The following YWHAQ variants were observed in gnomAD, a reference collection of about 807,000 sequenced individuals.
YWHAQ encodes the protein tyrosine 3-monooxygenase/tryptophan 5-monooxygenase activation protein theta, also known as 14-3-3 protein theta.
In YWHAQ, 6 loss-of-function variants were observed where a neutral mutation model predicts 28.3. The ratio of observed to expected loss-of-function variants is 0.21; its 90% CI spans 0.12 to 0.42. The LOEUF (loss-of-function observed/expected upper bound fraction) is 0.42. YWHAQ is among the 10% of genes least tolerant of loss of function. YWHAQ has a pLI of 1.00. For missense variants in YWHAQ, 201 were observed against 305.6 expected, an observed-to-expected ratio of 0.66 and a Z score of 2.55; for synonymous variants, 143 against 119.1, an observed-to-expected ratio of 1.20 and a Z score of -1.31.
intron 3 of YWHAQ, among the ~76,000 whole-genome samples, chr2:9,588,557 G>C (rs553389281): frequency 2.0e-5 from 3 of 152,026 alleles, no homozygotes; most frequent in African/African-American, 7.3e-5. Context: ...GATCACTTGA[G>C]ATCAGGAGTT....
chr2:9,586,710 A>C (rs1478619769), intron 5 of YWHAQ, among the ~76,000 whole-genome samples: 5 of 152,182 alleles, frequency 3.3e-5, no homozygotes, highest in African/African-American at 1.2e-4. Flanking sequence ...AAAAAATCCT[A>C]TCTAGTAAAT....
chr2:9,613,551 G>A (rs1181016873), intron 2 of YWHAQ, among the ~76,000 whole-genome samples: 2 of 152,200 alleles, frequency 1.3e-5, no homozygotes, highest in Non-Finnish European at 2.9e-5. Context: ...AGGCAAAAGA[G>A]AAAGGGAAGC....
intron 2 of YWHAQ, among the ~76,000 whole-genome samples, chr2:9,597,634 C>CAAAAAA (rs562319001): frequency 9.6e-4 from 71 of 74,150 alleles, no homozygotes; most frequent in Admixed American, 1.4e-3. Flanking sequence ...AACTCCGTCT[C>CAAAAAA]AAAAAAAAAA....
intron 2 of YWHAQ, among the ~76,000 whole-genome samples, chr2:9,602,436 A>G (rs1425630403): frequency 6.6e-6 from 1 of 152,028 alleles, no homozygotes; most frequent in East Asian, 1.9e-4. Flanking sequence ...AAATAAAAAT[A>G]AGTCCTTTAA....
At chr2:9,595,707 A>G (rs1436609679) in intron 2 of YWHAQ, among the ~76,000 whole-genome samples, 6 of 151,806 alleles carry the variant, frequency 4.0e-5, no homozygotes, top group African/African-American at 1.5e-4. Flanking sequence ...TCAAAAAAAA[A>G]AAAAAAAAAA....
intron 2 of YWHAQ, among the ~76,000 whole-genome samples, chr2:9,613,787 C>G (rs1666995724): frequency 6.6e-6 from 1 of 152,138 alleles, no homozygotes; most frequent in Non-Finnish European, 1.5e-5. Flanking sequence ...TATTACCTTG[C>G]CCCTGCCCCA....
chr2:9,623,665 T>G (rs1216032034), intron 2 of YWHAQ, among the ~76,000 whole-genome samples: 1 of 152,058 alleles, frequency 6.6e-6, no homozygotes, highest in African/African-American at 2.4e-5. Context: ...CCCAACTACT[T>G]GTGAGGCTGA....
rs1666367543 is a variant in YWHAQ at position 9,587,459 on chromosome 2, G to A, written c.633C>T (p.Tyr211=). The A allele has an allele frequency of 1.9e-6, 3 of 1,611,574 alleles. No individual in the cohort carries two copies. The African/African-American group carries it at 4.0e-5, about 22-fold the overall frequency. The change falls in exon 5 of 6, where the codon TAC becomes TAT. Residue 211 remains tyrosine (Y), a synonymous_variant. Coordinates refer to ENST00000238081, the MANE Select transcript of YWHAQ (RefSeq NM_006826.4). The part of the protein sequence containing the change: ...AELDTLNEDS[Y]KDSTLIMQLL... ...ACTGCATGATGAGGGTGCTGTCTTT[G>A]TATGAGTCTTCATTCAGTGTATCAA...
At chr2:9,602,981 C>G (rs900888268) in intron 2 of YWHAQ, among the ~76,000 whole-genome samples, 1 of 145,258 alleles carries the variant, frequency 6.9e-6, no homozygotes, top group African/African-American at 2.5e-5. Flanking sequence ...CTTCGGCCTC[C>G]CCAAGTGTTG....
chr2:9,613,969 T>C (rs146696990), intron 2 of YWHAQ, among the ~76,000 whole-genome samples: 66 of 152,330 alleles, frequency 4.3e-4, no homozygotes, highest in African/African-American at 1.6e-3. Flanking sequence ...TGAGCTGCAA[T>C]GTGACAGTAT....
chr2:9,593,081 G>A (rs1170326980), intron 2 of YWHAQ, among the ~76,000 whole-genome samples: 1 of 152,154 alleles, frequency 6.6e-6, no homozygotes, highest in Non-Finnish European at 1.5e-5. Flanking sequence ...GGCAAGTCTG[G>A]AGAATTAACA....
At chr2:9,601,083 C>T (rs980471403) in intron 2 of YWHAQ, among the ~76,000 whole-genome samples, 3 of 152,168 alleles carry the variant, frequency 2.0e-5, no homozygotes, top group African/African-American at 7.2e-5. Flanking sequence ...ACCAAATCTG[C>T]AATTATTAAT....
At chr2:9,625,127 T>C (rs1175581965) in intron 2 of YWHAQ, among the ~76,000 whole-genome samples, 1 of 151,602 alleles carries the variant, frequency 6.6e-6, no homozygotes, top group African/African-American at 2.4e-5. Context: ...CCAGGCATGG[T>C]GGTGCATGCC....
chr2:9,589,831 A>C (rs919522362), intron 3 of YWHAQ, among the ~76,000 whole-genome samples: 1 of 152,218 alleles, frequency 6.6e-6, no homozygotes, highest in Non-Finnish European at 1.5e-5. Flanking sequence ...GTTCAGTATT[A>C]CCAACACTAA....
intron 2 of YWHAQ, among the ~76,000 whole-genome samples, chr2:9,591,930 A>C (rs536601256): frequency 5.3e-5 from 8 of 152,358 alleles, no homozygotes; most frequent in Admixed American, 3.9e-4. Context: ...GAACTAAGAA[A>C]GATGTGAATA....
At chr2:9,617,197 C>T (rs1051751755) in intron 2 of YWHAQ, among the ~76,000 whole-genome samples, 4 of 151,396 alleles carry the variant, frequency 2.6e-5, no homozygotes, top group Non-Finnish European at 4.4e-5. Flanking sequence ...CTCCTGACCT[C>T]GTGATCCGCC....
rs1205661739 is a variant in YWHAQ at position 9,593,905 on chromosome 2, A to AAAAT, written c.295-2391_295-2390insATTT. 5.7e-3 allele frequency among the ~76,000 whole-genome samples: 724 copies of AAAAT among 127,592 alleles called. 6 individuals are homozygous for AAAAT. Among genetic ancestry groups the AAAAT allele is most frequent in the South Asian group, 9.1e-3 (38 of 4,154 alleles). The allele number at this position is 127,592 out of a possible 152,430, so 83.7% of individuals were successfully genotyped here. The stretch of plus-strand genomic sequence containing the variant: ...AAAATATTTTAAATAGATTAAAAAA[A>AAAAT]ATATATATATATATATATACACACA... On this transcript the variant is annotated intron_variant, in intron 2 of 5. Transcript: ENST00000238081.
intron 5 of YWHAQ, among the ~76,000 whole-genome samples, chr2:9,585,966 A>G (rs1666336738): frequency 6.6e-6 from 1 of 152,144 alleles, no homozygotes; most frequent in South Asian, 2.1e-4. Flanking sequence ...TACTTTCAGA[A>G]TAAGCAAAGT....
At chr2:9,620,555 T>C (rs1433367362) in intron 2 of YWHAQ, 1 of 152,206 alleles carries the variant, frequency 6.6e-6, no homozygotes, top group Non-Finnish European at 1.5e-5. Context: ...TGCTTTTTGG[T>C]CAGGTATTGG....
Sources: allele counts gnomAD v4.1 joint callset (sites outside exome capture counted in the v4.1 genomes callset), GRCh38; gene constraint gnomAD v4.1.1; transcripts MANE v1.5; gene names NCBI Gene and HGNC (gene_info 2026-07-23, HGNC 2026-07-21).